Variants in WWC1 observed in about 807,000 individuals in gnomAD.
WWC1 encodes WW and C2 domain containing 1.
In WWC1, 55 loss-of-function variants were observed where a neutral mutation model predicts 138.4. The observed-to-expected ratio is 0.40, with a 90% CI of 0.32 to 0.50. WWC1 has a LOEUF of 0.50. Ranked by LOEUF, WWC1 falls within the 20% of genes least tolerant of loss-of-function variation. The pLI is 0.72. For missense variants in WWC1, 1,226 were observed against 1,420.4 expected (o/e 0.86, Z 2.20); for synonymous variants, 524 against 564.9 (o/e 0.93, Z 1.03).
At chr5:168,327,593 G>A (rs1186199551) in intron 1 of WWC1, among the ~76,000 whole-genome samples, 1 of 152,238 alleles carries the variant, frequency 6.6e-6, no homozygotes, top group Admixed American at 6.5e-5. Flanking sequence ...GAGTGAGATT[G>A]TGGCTTTTTG....
Position 168,292,423 on chromosome 5 carries a change from T to G in WWC1, c.119+152T>G. 1.1e-6 allele frequency: 1 copy of G among 892,232 alleles called. No individual in the cohort carries two copies. The highest frequency in any genetic ancestry group is 1.6e-6 in the Non-Finnish European group (1 of 614,380). The allele number at this position is 892,232 out of a possible 1,614,324, so 55.3% of individuals were successfully genotyped here. ...TCGCCACCCCCTGCTCCCCCCAACC[T>G]TCTGGAGCGCTGCTCCCGCCTCAGT... is the stretch of plus-strand genomic sequence containing the variant. On this transcript the variant is annotated intron_variant, in intron 1 of 22. Transcript: ENST00000265293. This position sits in a 1 kb window ranked among gnomAD's most constrained non-coding sequence, Gnocchi z 4.4.
chr5:168,295,013 C>T (rs1218920167), intron 1 of WWC1, among the ~76,000 whole-genome samples: 1 of 152,134 alleles, frequency 6.6e-6, no homozygotes, highest in Non-Finnish European at 1.5e-5. Flanking sequence ...AACTTGGGGT[C>T]CTGAGGGGGT....
chr5:168,425,671 G>A (rs1043863001), intron 11 of WWC1, among the ~76,000 whole-genome samples: 3 of 133,962 alleles, frequency 2.2e-5, no homozygotes, highest in African/African-American at 8.7e-5. Context: ...TTTTTTTTTT[G>A]TATTTTTAGT....
At chr5:168,377,741 C>T (rs1777326842) in intron 2 of WWC1, among the ~76,000 whole-genome samples, 3 of 152,202 alleles carry the variant, frequency 2.0e-5, no homozygotes, top group Admixed American at 2.0e-4. Flanking sequence ...TACCATCTCA[C>T]ACCAGTCAGA....
At chr5:168,429,980 T>C (rs1254932215) in intron 13 of WWC1, among the ~76,000 whole-genome samples, 157 bp from the exon 14 acceptor site, 2 of 152,122 alleles carry the variant, frequency 1.3e-5, no homozygotes, top group African/African-American at 4.8e-5. Context: ...TAGCTCTACA[T>C]CCCTGCATGG....
intron 20 of WWC1, among the ~76,000 whole-genome samples, chr5:168,461,944 T>C (rs1756847983): frequency 6.6e-6 from 1 of 151,752 alleles, no homozygotes; most frequent in Admixed American, 6.6e-5. Flanking sequence ...TAATCCCAGC[T>C]ACTCGGGAGG....
intron 1 of WWC1, among the ~76,000 whole-genome samples, chr5:168,307,982 G>T (rs141158843): frequency 6.6e-6 from 1 of 152,244 alleles, no homozygotes. Context: ...GAAAGGCTTC[G>T]TGAGAACCAA....
intron 1 of WWC1, among the ~76,000 whole-genome samples, chr5:168,300,909 G>T (rs72838333): frequency 1.3e-5 from 2 of 152,114 alleles, no homozygotes; most frequent in African/African-American, 4.8e-5. Context: ...CCCTGGGACA[G>T]CCTTCCAGTC....
Position 168,455,530 on chromosome 5 carries a change from C to T in WWC1, c.2823+10C>T, listed in dbSNP as rs575167598. On this transcript the variant is annotated intron_variant, in intron 19 of 22. Transcript: ENST00000265293. ...CCAGTACGTGTGCCGGGTAAGTGAG[C>T]GTGCGGCCCTCTTCTGCTCCCCTCA... The T allele has an allele frequency of 8.1e-6, 13 of 1,611,100 alleles. No homozygotes were observed. The highest frequency in any genetic ancestry group is 8.0e-5 in the African/African-American group (6 of 74,804).
chr5:168,314,611 T>C (rs1283738533), intron 1 of WWC1, among the ~76,000 whole-genome samples: 3 of 152,012 alleles, frequency 2.0e-5, no homozygotes, highest in Non-Finnish European at 2.9e-5. Context: ...GTGAGGGGAC[T>C]AGCACAATGA....
chr5:168,428,572 A>G (rs1354676642), intron 12 of WWC1, 135 bp from the exon 13 acceptor site: 2 of 798,006 alleles, frequency 2.5e-6, no homozygotes. Context: ...ATTTTTTTTA[A>G]TTAAAATTTA....
At chr5:168,418,321 A>G (rs1213236101) in intron 9 of WWC1, among the ~76,000 whole-genome samples, 1 of 152,136 alleles carries the variant, frequency 6.6e-6, no homozygotes, top group African/African-American at 2.4e-5. Context: ...GTGTGCAGTC[A>G]TGCAGGATAC....
chr5:168,322,351 T>G (rs1410798352), intron 1 of WWC1, among the ~76,000 whole-genome samples: 1 of 151,938 alleles, frequency 6.6e-6, no homozygotes, highest in Non-Finnish European at 1.5e-5. Flanking sequence ...GCAGGCTTTG[T>G]GGACCATACC....
chr5:168,350,025 T>G (rs566311187), intron 1 of WWC1, among the ~76,000 whole-genome samples: 1 of 152,302 alleles, frequency 6.6e-6, no homozygotes, highest in African/African-American at 2.4e-5. Context: ...GTCATTCCTC[T>G]GAGATCTTAT....
Position 168,412,093 on chromosome 5 carries a change from G to T in WWC1, c.941+2098G>T, listed in dbSNP as rs542964540. 7.0e-4 allele frequency: 685 copies of T among 985,456 alleles called. 1 individual carries two copies. Among genetic ancestry groups the T allele is most frequent in the Non-Finnish European group, 7.9e-4 (655 of 829,960 alleles). 61.0% of individuals were successfully genotyped at this position (985,456 alleles called of 1,614,324 possible). ...CTGAAGAGGACCACTCTGAACCTTG[G>T]ATCTGTTCCATCCTGCAGGAATGCC... On this transcript the variant is annotated intron_variant, in intron 8 of 22. Coordinates refer to ENST00000265293, the MANE Select transcript of WWC1 (RefSeq NM_015238.3).
chr5:168,412,778 A>G (rs1032524317), intron 8 of WWC1, among the ~76,000 whole-genome samples: 2 of 152,248 alleles, frequency 1.3e-5, no homozygotes, highest in African/African-American at 4.8e-5. Flanking sequence ...AACTATTTAC[A>G]TAGCATTTAC....
At position 168,327,374 on chromosome 5, in the gene WWC1, C is replaced by T. The variant is rs115907370; in HGVS notation, c.119+35103C>T. ...TGCTGACTCGCTCGGATAGTGTGCT[C>T]TAGGGCCCAGGACCTAAGAGCAGGA... On this transcript the variant is annotated intron_variant, in intron 1 of 22. Coordinates refer to ENST00000265293, the MANE Select transcript of WWC1 (RefSeq NM_015238.3). Among the ~76,000 whole-genome samples the T allele has an allele frequency of 5.9e-5, 9 of 152,290 alleles. No homozygotes were observed. In the East Asian group the frequency reaches 1.7e-3, roughly 29 times the overall value.
intron 5 of WWC1, among the ~76,000 whole-genome samples, chr5:168,402,321 G>C (rs1259654645): frequency 6.6e-6 from 1 of 152,218 alleles, no homozygotes; most frequent in African/African-American, 2.4e-5. Context: ...AGTCTTGAGA[G>C]GCAGGTGGTC....
At chr5:168,445,078 A>T (rs887008642) in intron 17 of WWC1, among the ~76,000 whole-genome samples, 6 of 149,798 alleles carry the variant, frequency 4.0e-5, no homozygotes, top group African/African-American at 1.5e-4. Context: ...CACTTTGGGA[A>T]GCCGAGGTGG....
Sources: allele counts gnomAD v4.1 joint callset (sites outside exome capture counted in the v4.1 genomes callset), GRCh38; gene constraint gnomAD v4.1.1; non-coding constraint Gnocchi (gnomAD v3.1); transcripts MANE v1.5; gene names NCBI Gene and HGNC (gene_info 2026-07-23, HGNC 2026-07-21).